The following GRIN3B variants were observed in gnomAD, a reference collection of about 807,000 sequenced individuals.
GRIN3B encodes the protein glutamate receptor ionotropic, NMDA 3B.
GRIN3B carries 77 observed loss-of-function variants against 66.0 expected under a neutral mutation model. The ratio of observed to expected loss-of-function variants is 1.17; its 90% CI spans 0.97 to 1.41. The LOEUF (loss-of-function observed/expected upper bound fraction) is 1.41. Among genes scored for constraint, GRIN3B ranks in the 40% most tolerant of loss-of-function variants. GRIN3B has a pLI of 0.00. For missense variants in GRIN3B, 1,787 were observed against 1,564.5 expected, an observed-to-expected ratio of 1.14 and a Z score of -2.40; for synonymous variants, 823 against 749.7, an observed-to-expected ratio of 1.10 and a Z score of -1.60.
chr19:1,000,737 G>T lies in GRIN3B; in HGVS notation c.300G>T (p.Val100=). Residue 100 remains valine, a synonymous_variant, in exon 1 of 9, where the codon GTG becomes GTT. Coordinates refer to ENST00000234389, the MANE Select transcript of GRIN3B (RefSeq NM_138690.3). The stretch of plus-strand genomic sequence containing the variant: ...GCCAGGCGCTGGTGCCTCCGGGCGT[G>T]GCGGCCCTGCTCGCCTTTCCCGAGG... ...GLCQALVPPG[V]AALLAFPEAR... is the part of the protein sequence containing the mutation. The T allele has an allele frequency of 1.4e-6, 2 of 1,438,510 alleles. No homozygotes were observed. Among genetic ancestry groups the T allele is most frequent in the Non-Finnish European group, 1.8e-6 (2 of 1,100,316 alleles). 89.1% of individuals were successfully genotyped at this position (1,438,510 alleles called of 1,614,324 possible). A position where few individuals can be genotyped will look rare whatever the true frequency, so the allele number is the denominator to read the frequency against.
At position 1,007,508 on chromosome 19, in the gene GRIN3B, G is replaced by A; in HGVS notation, c.2053-120G>A. On this transcript the variant is annotated intron_variant, in intron 3 of 8. Coordinates refer to ENST00000234389, the MANE Select transcript of GRIN3B (RefSeq NM_138690.3). This position sits in a 1 kb window ranked among gnomAD's most constrained non-coding sequence, Gnocchi z 4.4. ...CTGGGCATGGAGTGGGTGGAGGCCA[G>A]GAATGCAGCCTCGGCGCCCTGCAGT... 8.3e-7 allele frequency: 1 copy of A among 1,206,264 alleles called. No individual in the cohort carries two copies. The allele number at this position is 1,206,264 out of a possible 1,614,324, so 74.7% of individuals were successfully genotyped here. A position where few individuals can be genotyped will look rare whatever the true frequency, so the allele number is the denominator to read the frequency against.
chr19:1,002,590 C>G (rs1322362486), intron 1 of GRIN3B: 1 of 152,674 alleles, frequency 6.5e-6, no homozygotes, highest in African/African-American at 2.4e-5. Context: ...GGGAAGCTAC[C>G]TGGTTTGGCT....
chr19:1,003,163 C>A lies in GRIN3B; in HGVS notation c.460C>A (p.Pro154Thr). 6.7e-7 allele frequency: 1 copy of A among 1,487,836 alleles called. No individual in the cohort carries two copies. Among genetic ancestry groups the A allele is most frequent in the Non-Finnish European group, 8.9e-7 (1 of 1,121,728 alleles). 92.2% of individuals were successfully genotyped at this position (1,487,836 alleles called of 1,614,324 possible). A position where few individuals can be genotyped will look rare whatever the true frequency, so the allele number is the denominator to read the frequency against. The change falls in exon 2 of 9, where the codon CCC (proline) becomes ACC (threonine). Residue 154 changes from proline (P) to threonine (T), a missense_variant. Pro to Thr is a conservative substitution (Grantham distance 38). Transcript: ENST00000234389. ...PFHLQLHWAS[P>T]LETLLDVLVA... Reference sequence around the variant, plus strand: ...CCACCTGCAGCTGCACTGGGCCAGCCCCCTGGAGACGCTGCTGGATGTGCT... The same window carrying A: ...CCACCTGCAGCTGCACTGGGCCAGCACCCTGGAGACGCTGCTGGATGTGCT...
Position 1,005,097 on chromosome 19 carries a change from C to T in GRIN3B, c.1596C>T (p.Phe532=). The stretch of plus-strand genomic sequence containing the variant: ...GGGCCCACATGGCGGTCACCAGCTT[C>T]AGTATCAACTCCGCCCGCTCACAGG... ...AGRAHMAVTS[F]SINSARSQVV... The change falls in exon 3 of 9, where the codon TTC becomes TTT. Residue 532 remains phenylalanine (F), a synonymous_variant. Transcript: ENST00000234389. The surrounding 1 kb of genome is among the most constrained non-coding windows in gnomAD (Gnocchi z 5.2). 6.2e-7 allele frequency: 1 copy of T among 1,612,596 alleles called. No individual in the cohort carries two copies. The highest frequency in any genetic ancestry group is 8.5e-7 in the Non-Finnish European group (1 of 1,179,624).
intron 2 of GRIN3B, 85 bp from the exon 3 acceptor site, chr19:1,004,436 G>T: frequency 8.3e-7 from 1 of 1,200,152 alleles, no homozygotes. Flanking sequence ...AGCGACCAGT[G>T]GGAATCGGGC....
chr19:1,007,555 G>A lies in GRIN3B; in HGVS notation c.2053-73G>A. 7.4e-7 allele frequency: 1 copy of A among 1,355,348 alleles called. No homozygotes were observed. Among genetic ancestry groups the A allele is most frequent in the Non-Finnish European group, 9.5e-7 (1 of 1,056,054 alleles). 84.0% of individuals were successfully genotyped at this position (1,355,348 alleles called of 1,614,324 possible). On this transcript the variant is annotated intron_variant, in intron 3 of 8. Coordinates refer to ENST00000234389, the MANE Select transcript of GRIN3B (RefSeq NM_138690.3). This position sits in a 1 kb window ranked among gnomAD's most constrained non-coding sequence, Gnocchi z 4.4. ...CAGTGCCCAGGACGGCCCCACCCCG[G>A]AGAACGGCGCGCCCCTCAATGGTCA...
chr19:1,007,774 G>T lies in GRIN3B; in HGVS notation c.2198+1G>T. The T allele has an allele frequency of 6.6e-7, 1 of 1,516,508 alleles. No individual in the cohort carries two copies. Among genetic ancestry groups the T allele is most frequent in the South Asian group, 1.2e-5 (1 of 80,282 alleles). The allele number at this position is 1,516,508 out of a possible 1,614,324, so 93.9% of individuals were successfully genotyped here. On this transcript the variant is annotated splice_donor_variant, in intron 4 of 8. Transcript: ENST00000234389. LOFTEE classifies it high-confidence loss of function. This position sits in a 1 kb window ranked among gnomAD's most constrained non-coding sequence, Gnocchi z 4.4. Reference sequence around the variant, plus strand: ...CGCCCCGCGGCGTCGCCATGCTCACGTGAGCCCGGGCGCGGGGTGAGGCGG... The same window carrying T: ...CGCCCCGCGGCGTCGCCATGCTCACTTGAGCCCGGGCGCGGGGTGAGGCGG...
Position 1,003,586 on chromosome 19 carries a change from G to T in GRIN3B, c.883G>T (p.Asp295Tyr). 2 of 1,480,226 alleles carry T rather than the reference G, an allele frequency of 1.4e-6. No homozygotes were observed. 91.7% of individuals were successfully genotyped at this position (1,480,226 alleles called of 1,614,324 possible). ...ARPPLEAAIH[D>Y]IVQLVARALG... ...ACCCCCGCTGGAGGCCGCCATCCAT[G>T]ACATTGTGCAACTGGTGGCCCGGGC... The change falls in exon 2 of 9, where the codon GAC becomes TAC. Residue 295 changes from aspartate (D) to tyrosine (Y), a missense_variant. Asp to Tyr is a radical substitution (Grantham distance 160). Coordinates refer to ENST00000234389, the MANE Select transcript of GRIN3B (RefSeq NM_138690.3).
chr19:1,001,136 C>G (rs1256581879), intron 1 of GRIN3B, among the ~76,000 whole-genome samples: 8 of 152,058 alleles, frequency 5.3e-5, no homozygotes, highest in Non-Finnish European at 1.0e-4. Context: ...CCTGCAGACC[C>G]CTTCCCAGCG....
chr19:1,000,858 G>T lies in GRIN3B; in HGVS notation c.421G>T (p.Ala141Ser). ...GCGGGAGGCGCGCGCGCCCCTCGGA[G>T]CCCCGGTACGCGGGACGCCCGGAGT... ...LRREARAPLG[A>S]PNPFHLQLHW... Residue 141 changes from alanine (A) to serine (S), a missense_variant, in exon 1 of 9, where the codon GCC (alanine) becomes TCC (serine). Physicochemically the swap from Ala to Ser is moderately conservative, Grantham distance 99 (BLOSUM62 1). Transcript: ENST00000234389. 7.1e-7 allele frequency: 1 copy of T among 1,412,528 alleles called. No individual in the cohort carries two copies. The highest frequency in any genetic ancestry group is 9.2e-7 in the Non-Finnish European group (1 of 1,087,932). The allele number at this position is 1,412,528 out of a possible 1,614,324, so 87.5% of individuals were successfully genotyped here.
chr19:1,002,489 G>A (rs2038694350), intron 1 of GRIN3B: 1 of 150,046 alleles, frequency 6.7e-6, no homozygotes, highest in African/African-American at 2.4e-5. Flanking sequence ...AAAAAATCCA[G>A]GAGAACTTTC....
In GRIN3B at chr19:1,009,443, A is replaced by C; in HGVS notation, c.2973A>C (p.Glu991Asp). ...GELQELERRI[E>D]VARERLRQAL... ...TGCAGGAGCTGGAGCGCCGCATCGAAGTCGCGCGTGAGCGGCTCCGCCAGG... is the reference window on the plus strand; with the variant it reads ...TGCAGGAGCTGGAGCGCCGCATCGACGTCGCGCGTGAGCGGCTCCGCCAGG... The change falls in exon 9 of 9, where the codon GAA becomes GAC. Residue 991 changes from glutamate to aspartate, a missense_variant. Glu to Asp is a conservative substitution (Grantham distance 45). Coordinates refer to ENST00000234389, the MANE Select transcript of GRIN3B (RefSeq NM_138690.3). The C allele has an allele frequency of 6.8e-7, 1 of 1,466,626 alleles. No individual in the cohort carries two copies. Among genetic ancestry groups the C allele is most frequent in the African/African-American group, 1.5e-5 (1 of 67,790 alleles). The allele number at this position is 1,466,626 out of a possible 1,614,324, so 90.9% of individuals were successfully genotyped here.
rs901003725 is a variant in GRIN3B at position 1,005,962 on chromosome 19, C to A, written c.2052+409C>A. On this transcript the variant is annotated intron_variant, in intron 3 of 8. Coordinates refer to ENST00000234389, the MANE Select transcript of GRIN3B (RefSeq NM_138690.3). This position sits in a 1 kb window ranked among gnomAD's most constrained non-coding sequence, Gnocchi z 5.2. Reference sequence around the variant, plus strand: ...GAGGTTGCAGTGAATCAAGATGGCACCATTGCACTCTAGCCTGGGCAACAG... The same window carrying A: ...GAGGTTGCAGTGAATCAAGATGGCAACATTGCACTCTAGCCTGGGCAACAG... Among the ~76,000 whole-genome samples the A allele has an allele frequency of 2.6e-5, 4 of 152,040 alleles. No individual in the cohort carries two copies. Among genetic ancestry groups the A allele is most frequent in the Non-Finnish European group, 4.4e-5 (3 of 68,030 alleles).
At chr19:1,006,334 G>A (rs1325965783) in intron 3 of GRIN3B, among the ~76,000 whole-genome samples, 2 of 151,592 alleles carry the variant, frequency 1.3e-5, no homozygotes, top group Admixed American at 6.6e-5. Context: ...CAGTAGAGTT[G>A]GCGGGTTTCA....
chr19:1,003,574 G>T lies in GRIN3B; in HGVS notation c.871G>T (p.Ala291Ser). 1 of 1,498,144 alleles carries T rather than the reference G, an allele frequency of 6.7e-7. No individual in the cohort carries two copies. Among genetic ancestry groups the T allele is most frequent in the East Asian group, 2.6e-5 (1 of 38,666 alleles). The allele number at this position is 1,498,144 out of a possible 1,614,324, so 92.8% of individuals were successfully genotyped here. A position where few individuals can be genotyped will look rare whatever the true frequency, so the allele number is the denominator to read the frequency against. Residue 291 changes from alanine to serine, a missense_variant, in exon 2 of 9, where the codon GCC becomes TCC. Physicochemically the swap from Ala to Ser is moderately conservative, Grantham distance 99 (BLOSUM62 1). Transcript: ENST00000234389. ...CGAGGTGGCACGACCCCCGCTGGAG[G>T]CCGCCATCCATGACATTGTGCAACT... is the stretch of plus-strand genomic sequence containing the variant. ...LGEVARPPLEAAIHDIVQLVA... is the reference protein window; with the variant it reads ...LGEVARPPLESAIHDIVQLVA...
At position 1,001,198 on chromosome 19, in the gene GRIN3B, G is replaced by A. The variant is rs934693164; in HGVS notation, c.426+335G>A. On this transcript the variant is annotated intron_variant, in intron 1 of 8. Transcript: ENST00000234389. ...TGGCCTCTGCCCCTTCCTTGCCCAG[G>A]CCCCTTCCCTCCTTCCCCACAGACC... Among the ~76,000 whole-genome samples, 3 of 152,034 alleles carry A rather than the reference G, an allele frequency of 2.0e-5. No individual in the cohort carries two copies. The East Asian group carries it at 5.8e-4, about 29-fold the overall frequency.
rs58101607 is a variant in GRIN3B at position 1,008,792 on chromosome 19, G to GGGTGGGC, written c.2631+13_2631+19dup. On this transcript the variant is annotated intron_variant, in intron 7 of 8. Coordinates refer to ENST00000234389, the MANE Select transcript of GRIN3B (RefSeq NM_138690.3). ...GCTGCACACCAGCCAGGTGGGGAGC[G>GGGTGGGC]GGTGGGCGGCGGGCGGCCCCACCCC... The GGGTGGGC allele has an allele frequency of 9.4e-3, 15,090 of 1,597,540 alleles. 1,212 individuals carry two copies. The African/African-American group carries it at 0.18, about 19-fold the overall frequency.
rs911420476 is a variant in GRIN3B at position 1,007,788 on chromosome 19, G to A, written c.2198+15G>A. 9 of 1,507,718 alleles carry A rather than the reference G, an allele frequency of 6.0e-6. No individual in the cohort carries two copies. The Admixed American group carries it at 6.7e-5, about 11-fold the overall frequency. The allele number at this position is 1,507,718 out of a possible 1,614,324, so 93.4% of individuals were successfully genotyped here. On this transcript the variant is annotated intron_variant, in intron 4 of 8. Coordinates refer to ENST00000234389, the MANE Select transcript of GRIN3B (RefSeq NM_138690.3). This position sits in a 1 kb window ranked among gnomAD's most constrained non-coding sequence, Gnocchi z 4.4. ...GCCATGCTCACGTGAGCCCGGGCGC[G>A]GGGTGAGGCGGGGGCGGGGCGTGGG...
rs770777595 is a variant in GRIN3B at position 1,009,399 on chromosome 19, G to GC, written c.2935dup (p.Gln979ProfsTer17). On this transcript the variant is annotated frameshift_variant, in exon 9 of 9. Coordinates refer to ENST00000234389, the MANE Select transcript of GRIN3B (RefSeq NM_138690.3). LOFTEE classifies it low-confidence loss of function (END_TRUNC). Reference sequence around the variant, plus strand: ...CCCGCCCGCCGCAAGGCCCACGGGGGCCCCCCAGCCCGGGGAGCTGCAGGA... The same window carrying GC: ...CCCGCCCGCCGCAAGGCCCACGGGGGCCCCCCCAGCCCGGGGAGCTGCAGGA... 1.8e-4 allele frequency: 261 copies of GC among 1,416,518 alleles called. No homozygotes were observed. In the African/African-American group the frequency reaches 3.2e-3, roughly 17 times the overall value. The allele number at this position is 1,416,518 out of a possible 1,614,324, so 87.7% of individuals were successfully genotyped here.
Sources: allele counts gnomAD v4.1 joint callset (sites outside exome capture counted in the v4.1 genomes callset), GRCh38; gene constraint gnomAD v4.1.1; non-coding constraint Gnocchi (gnomAD v3.1); transcripts MANE v1.5; gene names NCBI Gene and HGNC (gene_info 2026-07-23, HGNC 2026-07-21).